MTOR: variants seen among roughly 807,000 people sequenced by gnomAD.
The protein encoded by MTOR is mechanistic target of rapamycin kinase, also known as serine/threonine-protein kinase mTOR.
MTOR carries 70 observed loss-of-function variants against 319.8 expected under a neutral mutation model. The observed-to-expected ratio is 0.22, with a 90% confidence interval of 0.18 to 0.27. The LOEUF (loss-of-function observed/expected upper bound fraction) is 0.27. Ranked by LOEUF, MTOR falls within the 10% of genes least tolerant of loss-of-function variation. MTOR has a pLI of 1.00. For missense variants in MTOR, 1,890 were observed against 3,274.4 expected (o/e 0.58, Z 10.32); for synonymous variants, 1,183 against 1,211.4 (o/e 0.98, Z 0.49).
chr1:11,208,139 T>A (rs909007791), intron 25 of MTOR, among the ~76,000 whole-genome samples: 1 of 152,186 alleles, frequency 6.6e-6, no homozygotes, highest in Non-Finnish European at 1.5e-5. Context: ...CAGTGTGAGG[T>A]GTCAGCAGGG....
chr1:11,128,913 T>C lies in MTOR; in HGVS notation c.5753A>G (p.Asp1918Gly), dbSNP rs1457835011. 6.2e-6 allele frequency: 10 copies of C among 1,613,852 alleles called. No individual in the cohort carries two copies. Residue 1918 changes from aspartate to glycine, a missense_variant, in exon 41 of 58, where the codon GAT becomes GGT. By Grantham distance (94) the Asp-to-Gly change is moderately conservative. Around this residue, in one of 15 missense-constraint regions of MTOR, gnomAD observed 249 missense variants for 596.2 expected, o/e 0.42. Coordinates refer to ENST00000361445, the MANE Select transcript of MTOR (RefSeq NM_004958.4). This position sits in a 1 kb window ranked among gnomAD's most constrained non-coding sequence, Gnocchi z 5.3. Reference protein sequence around the residue: ...TLWFDYGHWPDVNEALVEGVK... With the variant: ...TLWFDYGHWPGVNEALVEGVK... Reference sequence around the variant, plus strand: ...CCCCTCCACTAAGGCCTCATTGACATCTGGCCAGTGACCATAATCAAACCA... The same window carrying C: ...CCCCTCCACTAAGGCCTCATTGACACCTGGCCAGTGACCATAATCAAACCA...
intron 28 of MTOR, among the ~76,000 whole-genome samples, chr1:11,184,964 G>A (rs1172045724): frequency 1.3e-5 from 2 of 152,100 alleles, no homozygotes; most frequent in Non-Finnish European, 2.9e-5. Flanking sequence ...GGCCACACTC[G>A]ACTACTTACA....
intron 26 of MTOR, among the ~76,000 whole-genome samples, chr1:11,200,132 T>C (rs532925206): frequency 1.3e-5 from 2 of 152,164 alleles, no homozygotes; most frequent in Non-Finnish European, 2.9e-5. Context: ...ATGAACAGTA[T>C]AGGGACTTCT....
chr1:11,242,540 TA>T (rs1648210750), intron 9 of MTOR, among the ~76,000 whole-genome samples: 1 of 130,964 alleles, frequency 7.6e-6, no homozygotes, highest in Non-Finnish European at 1.6e-5. Context: ...GAGTGGGGCG[TA>T]TTAATTCACC....
At chr1:11,261,459 G>GA (rs1569864303) in intron 1 of MTOR, among the ~76,000 whole-genome samples, 1 of 151,904 alleles carries the variant, frequency 6.6e-6, no homozygotes, top group East Asian at 2.0e-4. Flanking sequence ...GCGACAGAGC[G>GA]AAACTCCGTC....
chr1:11,145,379 C>CT (rs372945218), intron 32 of MTOR: 2,368 of 260,908 alleles, frequency 9.1e-3, no homozygotes, highest in South Asian at 0.018. Context: ...GGGGATCTAC[C>CT]TTTTTTTTTT....
intron 6 of MTOR, among the ~76,000 whole-genome samples, chr1:11,250,505 C>G (rs1353181642): frequency 6.6e-6 from 1 of 152,188 alleles, no homozygotes; most frequent in African/African-American, 2.4e-5. Flanking sequence ...ACTCTAAACT[C>G]TCCTGGCTCT....
At chr1:11,232,149 C>T (rs1484114529) in intron 16 of MTOR, among the ~76,000 whole-genome samples, 1 of 152,174 alleles carries the variant, frequency 6.6e-6, no homozygotes, top group African/African-American at 2.4e-5. Flanking sequence ...TTTCTTTTTC[C>T]CTCTGAGAGC....
Position 11,109,482 on chromosome 1 carries a change from C to T in MTOR, c.7448-112G>A, listed in dbSNP as rs1641747185. Reference sequence around the variant, plus strand: ...TTTTGTAAGTGTTAAGCAATCCTTCCTCTATGTCCGTCTTTGTCCTCAGAA... The same window carrying T: ...TTTTGTAAGTGTTAAGCAATCCTTCTTCTATGTCCGTCTTTGTCCTCAGAA... On this transcript the variant is annotated intron_variant, in intron 55 of 57. Transcript: ENST00000361445. This position sits in a 1 kb window ranked among gnomAD's most constrained non-coding sequence, Gnocchi z 4.0. The T allele has an allele frequency of 8.1e-6, 10 of 1,227,638 alleles. No individual in the cohort carries two copies. The highest frequency in any genetic ancestry group is 3.8e-5 in the Admixed American group (2 of 52,038). 76.0% of individuals were successfully genotyped at this position (1,227,638 alleles called of 1,614,324 possible). A position where few individuals can be genotyped will look rare whatever the true frequency, so the allele number is the denominator to read the frequency against.
At chr1:11,140,409 G>A (rs1025746397) in intron 34 of MTOR, among the ~76,000 whole-genome samples, 4 of 152,248 alleles carry the variant, frequency 2.6e-5, no homozygotes, top group South Asian at 2.1e-4. Flanking sequence ...TTCATAATAC[G>A]GTTCATGCTC....
rs201248149 is a variant in MTOR, at chr1:11,231,273, A to G, written c.2649+27T>C. 3.3e-4 allele frequency: 540 copies of G among 1,613,416 alleles called. 1 individual carries two copies. The highest frequency in any genetic ancestry group is 3.1e-4 in the Non-Finnish European group (362 of 1,179,686). Reference sequence around the variant, plus strand: ...TTGCCATCGTCCCAGCAAAGTCTTTAAAGACCAAGTTTGCCACGTCCCCTA... The same window carrying G: ...TTGCCATCGTCCCAGCAAAGTCTTTGAAGACCAAGTTTGCCACGTCCCCTA... On this transcript the variant is annotated intron_variant, in intron 17 of 57. Coordinates refer to ENST00000361445, the MANE Select transcript of MTOR (RefSeq NM_004958.4).
At chr1:11,233,161 G>A (rs1167745787) in intron 15 of MTOR, 29 of 958,558 alleles carry the variant, frequency 3.0e-5, no homozygotes, top group South Asian at 2.8e-4. Flanking sequence ...CTGTCTGAAG[G>A]TCACAATGAT....
intron 23 of MTOR, among the ~76,000 whole-genome samples, chr1:11,211,274 A>C (rs1444534678): frequency 1.3e-5 from 2 of 152,268 alleles, no homozygotes; most frequent in Non-Finnish European, 2.9e-5. Flanking sequence ...ACAATGGCCC[A>C]CAATAGTGAT....
intron 8 of MTOR, among the ~76,000 whole-genome samples, chr1:11,243,642 C>T (rs1218777504): frequency 6.7e-6 from 1 of 148,534 alleles, no homozygotes; most frequent in Non-Finnish European, 1.5e-5. Context: ...AAGGTGTGAT[C>T]GTGTGCAGCA....
At chr1:11,248,629 T>C (rs1384503798) in intron 6 of MTOR, among the ~76,000 whole-genome samples, 2 of 151,894 alleles carry the variant, frequency 1.3e-5, no homozygotes, top group Non-Finnish European at 2.9e-5. Context: ...CTGGCCAACA[T>C]GGTGAAACCC....
At chr1:11,213,255 A>G (rs924719251) in intron 21 of MTOR, 144 bp downstream of exon 21, 7 of 785,158 alleles carry the variant, frequency 8.9e-6, no homozygotes, top group Non-Finnish European at 1.4e-5. Flanking sequence ...AACTGCACAC[A>G]TTGGGTATTA....
chr1:11,176,167 G>A (rs970422084), intron 28 of MTOR, among the ~76,000 whole-genome samples: 1 of 152,176 alleles, frequency 6.6e-6, no homozygotes. Flanking sequence ...GCCACCTGAA[G>A]AGAAACCTGG....
intron 38 of MTOR, 35 bp from the exon 39 acceptor site, chr1:11,130,812 GCTGTGAC>G: frequency 6.5e-7 from 1 of 1,545,818 alleles, no homozygotes; most frequent in Non-Finnish European, 8.7e-7. Context: ...AGACACTGGA[GCTGTGAC>G]CAACAGCAGG....
chr1:11,130,840 G>A (rs1643112554), intron 38 of MTOR, 63 bp from the exon 39 acceptor site: 1 of 1,519,106 alleles, frequency 6.6e-7, no homozygotes, highest in Non-Finnish European at 8.8e-7. Flanking sequence ...GCTCAGAGGA[G>A]CGCAAGGTCG....
Sources: gnomAD v4.1 joint callset for allele counts (sites outside exome capture counted in the v4.1 genomes callset) on GRCh38, gnomAD v4.1.1 for gene constraint, gnomAD v4.1.1 regional missense constraint, Gnocchi (gnomAD v3.1) non-coding constraint, MANE v1.5 for transcripts, NCBI Gene and HGNC (gene_info 2026-07-23, HGNC 2026-07-21) for gene names.